Variants in PARP15 observed in about 807,000 individuals in gnomAD.
PARP15 encodes the protein poly(ADP-ribose) polymerase family member 15.
In PARP15, 50 loss-of-function variants were observed where a neutral mutation model predicts 62.1. The ratio of observed to expected loss-of-function variants is 0.81; its 90% CI spans 0.64 to 1.02. The LOEUF (loss-of-function observed/expected upper bound fraction) is 1.02. PARP15 is among the 50% of genes least tolerant of loss of function. The pLI is 0.00. For synonymous variants in PARP15, 309 were observed against 293.1 expected (o/e 1.05, Z -0.55); for missense variants, 820 against 826.5 (o/e 0.99, Z 0.10).
chr3:122,608,408 G>C (rs1172059438), intron 2 of PARP15, among the ~76,000 whole-genome samples: 1 of 151,760 alleles, frequency 6.6e-6, no homozygotes, highest in African/African-American at 2.4e-5. Flanking sequence ...TAGAGACCGG[G>C]TTTTGCCATG....
intron 2 of PARP15, among the ~76,000 whole-genome samples, chr3:122,609,544 A>G (rs1935411461): frequency 6.6e-6 from 1 of 151,996 alleles, no homozygotes; most frequent in Non-Finnish European, 1.5e-5. Flanking sequence ...CTAATAATAC[A>G]AATATTAGCC....
chr3:122,588,162 G>T (rs9843522), intron 1 of PARP15, among the ~76,000 whole-genome samples: 142,679 of 152,192 alleles, frequency 0.94, 67,013 homozygotes, highest in Non-Finnish European at 0.97. Context: ...TTTTATAGTT[G>T]ATCATGTTAG....
chr3:122,579,227 T>C (rs150980098), intron 1 of PARP15, among the ~76,000 whole-genome samples: 34 of 152,352 alleles, frequency 2.2e-4, no homozygotes, highest in African/African-American at 7.9e-4. Context: ...TTTATAGTTA[T>C]CTTCACATAA....
At chr3:122,589,161 G>A (rs1933676384) in intron 1 of PARP15, among the ~76,000 whole-genome samples, 1 of 152,186 alleles carries the variant, frequency 6.6e-6, no homozygotes, top group Non-Finnish European at 1.5e-5. Context: ...GCATGGTAGA[G>A]TTCTTAGTAA....
intron 1 of PARP15, among the ~76,000 whole-genome samples, chr3:122,589,320 A>T (rs2107814709): frequency 6.6e-6 from 1 of 152,322 alleles, no homozygotes; most frequent in Middle Eastern, 3.4e-3. Flanking sequence ...CCCAACTCCA[A>T]ATACAATCAC....
At chr3:122,635,756 C>T (rs1040312879) in intron 11 of PARP15, 55 bp from the exon 12 acceptor site, 30 of 1,554,870 alleles carry the variant, frequency 1.9e-5, no homozygotes, top group African/African-American at 2.7e-5. Context: ...GGGCATGGTT[C>T]TACACATTGT....
At chr3:122,617,329 T>C (rs1559972790) in intron 6 of PARP15, among the ~76,000 whole-genome samples, 165 bp downstream of exon 6, 1 of 152,352 alleles carries the variant, frequency 6.6e-6, no homozygotes, top group East Asian at 1.9e-4. Flanking sequence ...CTTAGCAATG[T>C]GTAGCTGTGG....
At position 122,613,232 on chromosome 3, in the gene PARP15, C is replaced by G; in HGVS notation, c.735C>G (p.His245Gln). Residue 245 changes from histidine (H) to glutamine (Q), a missense_variant, in exon 4 of 12, where the codon CAC becomes CAG. By Grantham distance (24) the His-to-Gln change is conservative. Around this residue, in one of 3 missense-constraint regions of PARP15, gnomAD observed 731 missense variants for 727.7 expected, o/e 1.00. Transcript: ENST00000464300. The part of the protein sequence containing the change: ...RPITSPLQEV[H>Q]FLVYTNDDEG... Reference sequence around the variant, plus strand: ...TAACTAGCCCTTTACAAGAAGTCCACTTTCTGGTATATACAAATGACGATG... The same window carrying G: ...TAACTAGCCCTTTACAAGAAGTCCAGTTTCTGGTATATACAAATGACGATG... The G allele has an allele frequency of 6.4e-7, 1 of 1,550,754 alleles. No individual in the cohort carries two copies. Among genetic ancestry groups the G allele is most frequent in the Non-Finnish European group, 8.7e-7 (1 of 1,145,906 alleles).
chr3:122,616,945 G>GC lies in PARP15; in HGVS notation c.851-66dup. 3 of 1,528,456 alleles carry GC rather than the reference G, an allele frequency of 2.0e-6. No individual in the cohort carries two copies. The South Asian group carries it at 3.7e-5, about 19-fold the overall frequency. The allele number at this position is 1,528,456 out of a possible 1,614,324, so 94.7% of individuals were successfully genotyped here. A position where few individuals can be genotyped will look rare whatever the true frequency, so the allele number is the denominator to read the frequency against. On this transcript the variant is annotated intron_variant, in intron 5 of 11. Transcript: ENST00000464300. Reference sequence around the variant, plus strand: ...AGGGCTGAGCTGGGAAGAGAATAGGGCCCCAAGATGAGTGCTGTTCCTCCA... The same window carrying GC: ...AGGGCTGAGCTGGGAAGAGAATAGGGCCCCCAAGATGAGTGCTGTTCCTCCA...
In PARP15 at chr3:122,638,422, TAA is replaced by T. The variant is rs762600419; in HGVS notation, c.*2325_*2326del. ...CTAGTTTACAGTCCCACCAACAGTG[TAA>T]AAGTGTTCCTATTTCTCCACATCCT... On this transcript the variant is annotated 3_prime_UTR_variant, in exon 12 of 12. Coordinates refer to ENST00000464300, the MANE Select transcript of PARP15 (RefSeq NM_001113523.3). 13 of 152,302 alleles carry T rather than the reference TAA, an allele frequency of 8.5e-5. No individual in the cohort carries two copies. The highest frequency in any genetic ancestry group is 3.9e-4 in the East Asian group (2 of 5,182). The allele number at this position is 152,302 out of a possible 1,614,324, so 9.4% of individuals were successfully genotyped here.
intron 1 of PARP15, among the ~76,000 whole-genome samples, chr3:122,579,187 TTAAGTC>T (rs1249256885): frequency 6.6e-6 from 1 of 152,222 alleles, no homozygotes; most frequent in Non-Finnish European, 1.5e-5. Context: ...TTTTCATTGT[TTAAGTC>T]TATTTTTGTG....
chr3:122,610,740 GC>G lies in PARP15; in HGVS notation c.543+11del. 6.7e-7 allele frequency: 1 copy of G among 1,497,412 alleles called. No individual in the cohort carries two copies. Among genetic ancestry groups the G allele is most frequent in the Non-Finnish European group, 8.9e-7 (1 of 1,121,770 alleles). 92.8% of individuals were successfully genotyped at this position (1,497,412 alleles called of 1,614,324 possible). ...AGAGACTTCTTGGCAGGTAGGGAACGCTCTTAGTTCTCCAACGTATTGGGTG... is the reference window on the plus strand; with the variant it reads ...AGAGACTTCTTGGCAGGTAGGGAACGTCTTAGTTCTCCAACGTATTGGGTG... On this transcript the variant is annotated intron_variant, in intron 3 of 11. Coordinates refer to ENST00000464300, the MANE Select transcript of PARP15 (RefSeq NM_001113523.3).
intron 1 of PARP15, among the ~76,000 whole-genome samples, chr3:122,600,235 G>C (rs924829962): frequency 1.3e-5 from 2 of 152,058 alleles, no homozygotes; most frequent in African/African-American, 4.8e-5. Context: ...AGGCTAGGGA[G>C]TTCAATTAAG....
intron 9 of PARP15, among the ~76,000 whole-genome samples, chr3:122,629,676 A>G (rs1402159512): frequency 6.6e-6 from 1 of 152,182 alleles, no homozygotes; most frequent in Non-Finnish European, 1.5e-5. Flanking sequence ...TATATTATGA[A>G]ATAATTATAC....
intron 1 of PARP15, among the ~76,000 whole-genome samples, chr3:122,581,615 G>C (rs1379869205): frequency 6.6e-6 from 1 of 152,092 alleles, no homozygotes; most frequent in Non-Finnish European, 1.5e-5. Context: ...TTGAGTTGTA[G>C]GGGTTCTTTG....
intron 1 of PARP15, among the ~76,000 whole-genome samples, chr3:122,583,009 GTGTC>G (rs1363402269): frequency 2.0e-5 from 3 of 150,520 alleles, no homozygotes; most frequent in Admixed American, 1.3e-4. Flanking sequence ...TTTATAGTAA[GTGTC>G]TGCTAAGTAT....
chr3:122,602,151 A>C (rs549407461), intron 1 of PARP15, among the ~76,000 whole-genome samples: 2 of 152,044 alleles, frequency 1.3e-5, no homozygotes, highest in South Asian at 4.2e-4. Flanking sequence ...TCTTTTACTT[A>C]TCAGGTGCAT....
intron 2 of PARP15, among the ~76,000 whole-genome samples, chr3:122,608,959 T>G (rs1159390879): frequency 6.6e-6 from 1 of 151,932 alleles, no homozygotes; most frequent in Non-Finnish European, 1.5e-5. Flanking sequence ...CTCACTGTGT[T>G]GCTCAGGCTG....
intron 4 of PARP15, among the ~76,000 whole-genome samples, chr3:122,614,454 A>G (rs1935802194): frequency 1.3e-5 from 2 of 152,204 alleles, no homozygotes; most frequent in African/African-American, 4.8e-5. Flanking sequence ...AAAGTATTGC[A>G]TGATGTAGTT....
Sources: allele counts gnomAD v4.1 joint callset (sites outside exome capture counted in the v4.1 genomes callset), GRCh38; gene constraint gnomAD v4.1.1; regional missense constraint gnomAD v4.1.1; transcripts MANE v1.5; gene names NCBI Gene and HGNC (gene_info 2026-07-23, HGNC 2026-07-21).